The following SLC35C1 variants were observed in gnomAD, a reference collection of about 807,000 sequenced individuals.
The protein encoded by SLC35C1 is solute carrier family 35 member C1.
Under a neutral mutation model 23.2 loss-of-function variants are expected in SLC35C1, and 8 were observed. That is an observed-to-expected ratio of 0.35 (90% confidence interval 0.20 to 0.62). SLC35C1 has a LOEUF of 0.62. Ranked by LOEUF, SLC35C1 falls within the 20% of genes least tolerant of loss-of-function variation. SLC35C1 has a pLI of 0.75. For synonymous variants in SLC35C1, 226 were observed against 225.1 expected (o/e 1.00, Z -0.04); for missense variants, 422 against 478.6 (o/e 0.88, Z 1.10).
At chr11:45,804,374 AGATGCAGCACGGGGT>A (rs1356262668), upstream of SLC35C1, 4 of 593,970 alleles carry the variant, frequency 6.7e-6, no homozygotes, top group African/African-American at 6.0e-5. Flanking sequence ...GCGGCGCTGC[AGATGCAGCACGGGGT>A]CGCGGGGCGG....
At chr11:45,808,614 G>A (rs1210673506) in intron 1 of SLC35C1, among the ~76,000 whole-genome samples, 1 of 152,250 alleles carries the variant, frequency 6.6e-6, no homozygotes, top group African/African-American at 2.4e-5. Flanking sequence ...AAGCAGGTGA[G>A]TGGGTGGTGC....
At position 45,812,455 on chromosome 11, in the gene SLC35C1, C is replaced by A; in HGVS notation, c.*1120C>A. On this transcript the variant is annotated 3_prime_UTR_variant, in exon 2 of 2. Coordinates refer to ENST00000314134, the MANE Select transcript of SLC35C1 (RefSeq NM_018389.5). ...CGTAGGCCGGGTGGCTTACAAACAA[C>A]AGAAACGTATTGCTCACAGTCCTGG... is the stretch of plus-strand genomic sequence containing the variant. 1 of 429,860 alleles carries A rather than the reference C, an allele frequency of 2.3e-6. No individual in the cohort carries two copies. The highest frequency in any genetic ancestry group is 4.7e-6 in the Non-Finnish European group (1 of 212,776). 26.6% of individuals were successfully genotyped at this position (429,860 alleles called of 1,614,324 possible). A position where few individuals can be genotyped will look rare whatever the true frequency, so the allele number is the denominator to read the frequency against.
chr11:45,807,728 G>C (rs2085892211), intron 1 of SLC35C1, among the ~76,000 whole-genome samples: 1 of 152,112 alleles, frequency 6.6e-6, no homozygotes, highest in Non-Finnish European at 1.5e-5. Flanking sequence ...AGTCCAAGAG[G>C]GGAGAAGGGA....
chr11:45,807,165 A>G (rs1043720832), intron 1 of SLC35C1, among the ~76,000 whole-genome samples: 2 of 152,232 alleles, frequency 1.3e-5, no homozygotes, highest in Non-Finnish European at 2.9e-5. Context: ...GCAAGCAGCC[A>G]GGCTGGGATG....
chr11:45,812,431 G>A lies in SLC35C1; in HGVS notation c.*1096G>A, dbSNP rs1440788573. ...CAGCGAGCTCCTATATCAAAATGCC[G>A]TAGGCCGGGTGGCTTACAAACAACA... On this transcript the variant is annotated 3_prime_UTR_variant, in exon 2 of 2. Coordinates refer to ENST00000314134, the MANE Select transcript of SLC35C1 (RefSeq NM_018389.5). The A allele has an allele frequency of 5.0e-6, 2 of 401,536 alleles. No homozygotes were observed. Among genetic ancestry groups the A allele is most frequent in the South Asian group, 1.8e-5 (1 of 55,566 alleles). 24.9% of individuals were successfully genotyped at this position (401,536 alleles called of 1,614,324 possible).
At position 45,806,164 on chromosome 11, in the gene SLC35C1, G is replaced by A. The variant is rs749027464; in HGVS notation, c.363G>A (p.Ser121=). 8 of 1,606,050 alleles carry A rather than the reference G, an allele frequency of 5.0e-6. No individual in the cohort carries two copies. The highest frequency in any genetic ancestry group is 1.6e-4 in the Middle Eastern group (1 of 6,062). Residue 121 remains serine (S), a synonymous_variant, in exon 1 of 2, where the codon TCG becomes TCA. Coordinates refer to ENST00000314134, the MANE Select transcript of SLC35C1 (RefSeq NM_018389.5). ...TGGCCCGCAGCGTCCTGCCCCTGTC[G>A]GTGGTCTTCATCGGCATGATCACCT... ...LRVARSVLPL[S]VVFIGMITFN...
In SLC35C1 at chr11:45,805,706, CT is replaced by C; in HGVS notation, c.-95del. 6.3e-7 allele frequency: 1 copy of C among 1,592,430 alleles called. No homozygotes were observed. Among genetic ancestry groups the C allele is most frequent in the Non-Finnish European group, 8.5e-7 (1 of 1,177,186 alleles). The stretch of plus-strand genomic sequence containing the variant: ...CCAGCCCACATGTGACAATGGAGGG[CT>C]GCGGCTTCCTTGCGGAGAGCACAAG... On this transcript the variant is annotated 5_prime_UTR_variant, in exon 1 of 2. The change abolishes the stop of an existing upstream ORF in the 5' untranslated region. Coordinates refer to ENST00000314134, the MANE Select transcript of SLC35C1 (RefSeq NM_018389.5).
chr11:45,811,099 C>T lies in SLC35C1; in HGVS notation c.859C>T (p.Gln287Ter). 1 of 1,613,168 alleles carries T rather than the reference C, an allele frequency of 6.2e-7. No individual in the cohort carries two copies. The highest frequency in any genetic ancestry group is 8.5e-7 in the Non-Finnish European group (1 of 1,180,034). The change falls in exon 2 of 2, where the codon CAG becomes TAG. Residue 287 changes from glutamine to a stop codon, truncating the protein, a stop_gained. Transcript: ENST00000314134. LOFTEE classifies it high-confidence loss of function. The part of the protein sequence containing the change: ...GFAIGYVTGL[Q>*]IKFTSPLTHN... ...TGCCATCGGCTACGTGACAGGACTG[C>T]AGATCAAGTTCACCAGTCCGCTGAC...
rs779381394 is a variant in SLC35C1 at position 45,805,926 on chromosome 11, C to A, written c.125C>A (p.Ala42Glu). 1 of 1,614,102 alleles carries A rather than the reference C, an allele frequency of 6.2e-7. No individual in the cohort carries two copies. The highest frequency in any genetic ancestry group is 1.3e-5 in the African/African-American group (1 of 74,946). Residue 42 changes from alanine to glutamate, a missense_variant, in exon 1 of 2, where the codon GCG becomes GAG. Ala to Glu is a moderately radical substitution (Grantham distance 107). Transcript: ENST00000314134. Reference protein sequence around the residue: ...KPFLLRALQIALVVSLYWVTS... With the variant: ...KPFLLRALQIELVVSLYWVTS... ...TTTCTGCTGCGGGCATTGCAGATCG[C>A]GCTGGTGGTCTCCCTCTACTGGGTC...
In SLC35C1 at chr11:45,806,003, C is replaced by G. The variant is rs903005210; in HGVS notation, c.202C>G (p.Leu68Val). ...TAAGTACCTGCTGGACAGCCCCTCC[C>G]TGCGGCTGGACACCCCCATCTTCGT... ...LNKYLLDSPS[L>V]RLDTPIFVTF... is the part of the protein sequence containing the mutation. Residue 68 changes from leucine to valine, a missense_variant, in exon 1 of 2, where the codon CTG becomes GTG. By Grantham distance (32) the Leu-to-Val change is conservative. Coordinates refer to ENST00000314134, the MANE Select transcript of SLC35C1 (RefSeq NM_018389.5). 2 of 1,613,992 alleles carry G rather than the reference C, an allele frequency of 1.2e-6. No individual in the cohort carries two copies. The highest frequency in any genetic ancestry group is 1.3e-5 in the African/African-American group (1 of 74,932).
rs1265321554 is a variant in SLC35C1 at position 45,811,233 on chromosome 11, G to A, written c.993G>A (p.Leu331=). The change falls in exon 2 of 2, where the codon CTG becomes CTA. Residue 331 remains leucine (L), a synonymous_variant. Transcript: ENST00000314134. The stretch of plus-strand genomic sequence containing the variant: ...GGTGGACGAGCAACATGATGGTGCT[G>A]GGCGGCTCCTCCGCCTACACCTGGG... ...FLWWTSNMMV[L]GGSSAYTWVR... is the part of the protein sequence containing the mutation. The A allele has an allele frequency of 3.7e-6, 6 of 1,605,266 alleles. No homozygotes were observed. Among genetic ancestry groups the A allele is most frequent in the Non-Finnish European group, 5.1e-6 (6 of 1,174,890 alleles).
chr11:45,811,538 A>C lies in SLC35C1; in HGVS notation c.*203A>C. 2.0e-6 allele frequency: 1 copy of C among 490,494 alleles called. No individual in the cohort carries two copies. 30.4% of individuals were successfully genotyped at this position (490,494 alleles called of 1,614,324 possible). A position where few individuals can be genotyped will look rare whatever the true frequency, so the allele number is the denominator to read the frequency against. The stretch of plus-strand genomic sequence containing the variant: ...GAAAGTTGAAGGAACCAGTGTTTAC[A>C]AGTAATACCAGAAAGTTGCCAAACC... On this transcript the variant is annotated 3_prime_UTR_variant, in exon 2 of 2. Coordinates refer to ENST00000314134, the MANE Select transcript of SLC35C1 (RefSeq NM_018389.5).
chr11:45,805,638 G>T lies in SLC35C1; in HGVS notation c.-164G>T. 1 of 1,504,660 alleles carries T rather than the reference G, an allele frequency of 6.6e-7. No homozygotes were observed. Among genetic ancestry groups the T allele is most frequent in the South Asian group, 1.2e-5 (1 of 80,154 alleles). The allele number at this position is 1,504,660 out of a possible 1,614,324, so 93.2% of individuals were successfully genotyped here. A position where few individuals can be genotyped will look rare whatever the true frequency, so the allele number is the denominator to read the frequency against. On this transcript the variant is annotated 5_prime_UTR_variant, in exon 1 of 2. Transcript: ENST00000314134. ...GCAGCACAACTGGGCTCACCCCAAA[G>T]CAGAACTTCTCAATCCATGAGGACA...
intron 1 of SLC35C1, chr11:45,810,069 G>C: frequency 2.0e-6 from 2 of 985,436 alleles, no homozygotes; most frequent in Non-Finnish European, 2.4e-6. Context: ...GAAGCAGGGA[G>C]ACGAGCAGGG....
In SLC35C1 at chr11:45,806,062, G is replaced by A. The variant is rs1309377878; in HGVS notation, c.261G>A (p.Leu87=). The change falls in exon 1 of 2, where the codon CTG becomes CTA. Residue 87 remains leucine (L), a synonymous_variant. Coordinates refer to ENST00000314134, the MANE Select transcript of SLC35C1 (RefSeq NM_018389.5). The part of the protein sequence containing the change: ...TFYQCLVTTL[L]CKGLSALAAC... ...ACCAGTGCCTGGTGACCACGCTGCT[G>A]TGCAAAGGCCTCAGCGCTCTGGCCG... is the stretch of plus-strand genomic sequence containing the variant. 2 of 1,613,062 alleles carry A rather than the reference G, an allele frequency of 1.2e-6. No individual in the cohort carries two copies. The highest frequency in any genetic ancestry group is 2.2e-5 in the South Asian group (2 of 91,072).
At position 45,812,240 on chromosome 11, in the gene SLC35C1, C is replaced by A; in HGVS notation, c.*905C>A. The A allele has an allele frequency of 4.0e-6, 1 of 248,992 alleles. No individual in the cohort carries two copies. The highest frequency in any genetic ancestry group is 8.3e-6 in the Non-Finnish European group (1 of 120,096). The allele number at this position is 248,992 out of a possible 1,614,324, so 15.4% of individuals were successfully genotyped here. A position where few individuals can be genotyped will look rare whatever the true frequency, so the allele number is the denominator to read the frequency against. On this transcript the variant is annotated 3_prime_UTR_variant, in exon 2 of 2. Transcript: ENST00000314134. ...AGGTGGGGCTGATGGAGCAAGGGTC[C>A]AGACTAGGAGCCTTCCACCCCAGCT...
chr11:45,805,072 G>T (rs1213271804), upstream of SLC35C1: 3 of 985,640 alleles, frequency 3.0e-6, no homozygotes, highest in African/African-American at 5.2e-5. Context: ...AGGGCAAGGC[G>T]GGGCGTGCGG....
Position 45,812,849 on chromosome 11 carries a change from C to T in SLC35C1, c.*1514C>T, listed in dbSNP as rs895818533. ...CTGGTGGGCATTTGGTATGTCCTTT[C>T]TCTTGGGGTGATTTCTGATGTTTTT... On this transcript the variant is annotated 3_prime_UTR_variant, in exon 2 of 2. Transcript: ENST00000314134. 7 of 352,264 alleles carry T rather than the reference C, an allele frequency of 2.0e-5. No individual in the cohort carries two copies. Among genetic ancestry groups the T allele is most frequent in the Non-Finnish European group, 3.4e-5 (6 of 177,716 alleles). The allele number at this position is 352,264 out of a possible 1,614,324, so 21.8% of individuals were successfully genotyped here. A position where few individuals can be genotyped will look rare whatever the true frequency, so the allele number is the denominator to read the frequency against.
intron 1 of SLC35C1, chr11:45,806,814 T>A (rs2085883123): frequency 3.7e-6 from 3 of 821,066 alleles, no homozygotes; most frequent in Non-Finnish European, 4.4e-6. Context: ...TACTTTATTG[T>A]TTCTCAAGAG....
Sources: gnomAD v4.1 joint callset for allele counts (sites outside exome capture counted in the v4.1 genomes callset) on GRCh38, gnomAD v4.1.1 for gene constraint, MANE v1.5 for transcripts, NCBI Gene and HGNC (gene_info 2026-07-23, HGNC 2026-07-21) for gene names.